Variants in ACO1 observed in about 807,000 individuals in gnomAD.
The protein encoded by ACO1 is cytoplasmic aconitate hydratase.
Under a neutral mutation model 105.1 loss-of-function variants are expected in ACO1, and 78 were observed. That is an observed-to-expected ratio of 0.74 (90% CI 0.62 to 0.90). The LOEUF (loss-of-function observed/expected upper bound fraction) is 0.90. ACO1 is among the 40% of genes least tolerant of loss of function. The pLI is 0.00. For missense variants in ACO1, 965 were observed against 1,111.1 expected (o/e 0.87, Z 1.87); for synonymous variants, 364 against 397.4 (o/e 0.92, Z 1.00).
intron 12 of ACO1, among the ~76,000 whole-genome samples, chr9:32,428,256 T>C (rs1259559479): frequency 6.7e-6 from 1 of 148,906 alleles, no homozygotes; most frequent in Admixed American, 6.7e-5. Context: ...TGTACTCCAG[T>C]TTGGGTGACA....
chr9:32,408,412 G>GAGGT (rs1461136641), intron 3 of ACO1, 102 bp from the exon 4 acceptor site: 289 of 1,326,848 alleles, frequency 2.2e-4, no homozygotes, highest in Middle Eastern at 1.5e-3. Context: ...CTCCTCTGAT[G>GAGGT]AGGTAGGGCC....
At chr9:32,442,201 T>A in intron 19 of ACO1, among the ~76,000 whole-genome samples, 1 of 152,080 alleles carries the variant, frequency 6.6e-6, no homozygotes, top group East Asian at 1.9e-4. Context: ...CCCTGCTGAT[T>A]CTGGTATGCA....
At chr9:32,433,274 C>T (rs908806281) in intron 15 of ACO1, among the ~76,000 whole-genome samples, 2 of 152,174 alleles carry the variant, frequency 1.3e-5, no homozygotes, top group African/African-American at 4.8e-5. Context: ...TGCTTTGTCA[C>T]CCAGGCTGGA....
At chr9:32,441,518 T>C (rs1822479360) in intron 19 of ACO1, among the ~76,000 whole-genome samples, 2 of 152,200 alleles carry the variant, frequency 1.3e-5, no homozygotes, top group Admixed American at 1.3e-4. Flanking sequence ...ACACCTATTA[T>C]TTTAATTGGT....
chr9:32,410,171 T>C (rs1369032017), intron 4 of ACO1, among the ~76,000 whole-genome samples: 1 of 152,184 alleles, frequency 6.6e-6, no homozygotes, highest in Admixed American at 6.5e-5. Flanking sequence ...AACATTGTTA[T>C]AAAGCCCCAG....
At chr9:32,394,945 G>GC (rs576852715) in intron 1 of ACO1, among the ~76,000 whole-genome samples, 785 of 36,482 alleles carry the variant, frequency 0.022, 8 homozygotes, top group African/African-American at 0.031. Context: ...GGTAAAGATG[G>GC]CCCAGAAGAC....
rs1256360892 is a variant in ACO1 at position 32,450,522 on chromosome 9, TG to T, written c.*412del. The stretch of plus-strand genomic sequence containing the variant: ...GCTCTGCTCAATGAAACCTTCCTCT[TG>T]AGGGTCATTTTCCTTTCTGTATTAA... On this transcript the variant is annotated 3_prime_UTR_variant, in exon 21 of 21. Coordinates refer to ENST00000309951, the MANE Select transcript of ACO1 (RefSeq NM_002197.3). 7.1e-6 allele frequency: 2 copies of T among 282,870 alleles called. No individual in the cohort carries two copies. The highest frequency in any genetic ancestry group is 1.4e-5 in the Non-Finnish European group (2 of 144,680). 17.5% of individuals were successfully genotyped at this position (282,870 alleles called of 1,614,324 possible).
chr9:32,448,695 A>T (rs918595131), intron 19 of ACO1, among the ~76,000 whole-genome samples: 6 of 152,100 alleles, frequency 3.9e-5, no homozygotes, highest in Admixed American at 3.3e-4. Context: ...CCACTGTCCA[A>T]CCAGTCCCAA....
chr9:32,419,318 A>G (rs1587534605), intron 7 of ACO1, 141 bp downstream of exon 7: 1 of 920,570 alleles, frequency 1.1e-6, no homozygotes, highest in East Asian at 2.9e-5. Context: ...TTAAAAGGAG[A>G]TGAGGTAAGG....
chr9:32,454,238 C>T lies in ACO1; in HGVS notation c.*4127C>T, dbSNP rs1482394534. On this transcript the variant is annotated 3_prime_UTR_variant, in exon 21 of 21. Coordinates refer to ENST00000309951, the MANE Select transcript of ACO1 (RefSeq NM_002197.3). ...AAGGTGGCAGCAAATGGCACAGAAA[C>T]CCACCTGACCACAGACTGCTTTCTT... 6.6e-6 allele frequency: 1 copy of T among 152,264 alleles called. No individual in the cohort carries two copies. Among genetic ancestry groups the T allele is most frequent in the Non-Finnish European group, 1.5e-5 (1 of 68,076 alleles). The allele number at this position is 152,264 out of a possible 1,614,324, so 9.4% of individuals were successfully genotyped here.
At position 32,405,341 on chromosome 9, in the gene ACO1, T is replaced by C. The variant is rs144056370; in HGVS notation, c.-22-144T>C. On this transcript the variant is annotated intron_variant, in intron 1 of 20. Transcript: ENST00000309951. ...TATTTCTTTTAAATTTTTAACTATTTTTTTTAAAGTTCAGTGTGTACATAG... is the reference window on the plus strand; with the variant it reads ...TATTTCTTTTAAATTTTTAACTATTCTTTTTAAAGTTCAGTGTGTACATAG... 1.0e-3 allele frequency: 600 copies of C among 577,210 alleles called. 8 individuals are homozygous for C. In the East Asian group the frequency reaches 0.015, roughly 15 times the overall value. The allele number at this position is 577,210 out of a possible 1,614,324, so 35.8% of individuals were successfully genotyped here.
Position 32,387,449 on chromosome 9 carries a change from T to C in ACO1, c.-23+2714T>C, listed in dbSNP as rs182184881. Among the ~76,000 whole-genome samples the C allele has an allele frequency of 1.7e-3, 257 of 152,350 alleles. 3 individuals are homozygous for C. The highest frequency in any genetic ancestry group is 8.8e-4 in the Non-Finnish European group (60 of 68,034). ...CAAATGCTACATCAGAGCTTTTTTT[T>C]CCTCTTGGAGTTCAAGTTGTTAAAC... On this transcript the variant is annotated intron_variant, in intron 1 of 20. Transcript: ENST00000309951.
intron 8 of ACO1, among the ~76,000 whole-genome samples, chr9:32,421,761 A>G (rs913444467): frequency 1.5e-4 from 23 of 152,214 alleles, no homozygotes; most frequent in Non-Finnish European, 2.9e-4. Flanking sequence ...AAAAAAAGAA[A>G]AAAGAAAAGA....
At position 32,424,619 on chromosome 9, in the gene ACO1, C is replaced by A; in HGVS notation, c.1142C>A (p.Ala381Asp). 2 of 1,614,116 alleles carry A rather than the reference C, an allele frequency of 1.2e-6. No homozygotes were observed. The highest frequency in any genetic ancestry group is 1.7e-6 in the Non-Finnish European group (2 of 1,179,990). ...CCCAAAAGGCCTCAGGACAAAGTTGCTGTGTCCGACATGAAAAAGGACTTT... is the reference window on the plus strand; with the variant it reads ...CCCAAAAGGCCTCAGGACAAAGTTGATGTGTCCGACATGAAAAAGGACTTT... ...SGPKRPQDKV[A>D]VSDMKKDFES... The change falls in exon 10 of 21, where the codon GCT becomes GAT. Residue 381 changes from alanine (A) to aspartate (D), a missense_variant. Physicochemically the swap from Ala to Asp is moderately radical, Grantham distance 126 (BLOSUM62 -2). Coordinates refer to ENST00000309951, the MANE Select transcript of ACO1 (RefSeq NM_002197.3).
intron 15 of ACO1, among the ~76,000 whole-genome samples, chr9:32,432,711 A>G (rs1822267040): frequency 6.6e-6 from 1 of 152,206 alleles, no homozygotes; most frequent in African/African-American, 2.4e-5. Context: ...CTGGATTATT[A>G]TTTCATAAGT....
chr9:32,431,295 CT>C (rs1319171967), intron 14 of ACO1, among the ~76,000 whole-genome samples: 1 of 152,186 alleles, frequency 6.6e-6, no homozygotes, highest in Non-Finnish European at 1.5e-5. Flanking sequence ...GGATCCTTTT[CT>C]TGGTCTACGT....
intron 19 of ACO1, among the ~76,000 whole-genome samples, chr9:32,446,528 TG>T (rs1822612694): frequency 6.6e-6 from 1 of 152,210 alleles, no homozygotes; most frequent in South Asian, 2.1e-4. Flanking sequence ...TGATGGGTCT[TG>T]ACTCTATCCA....
chr9:32,419,736 C>T (rs1821928688), intron 7 of ACO1, among the ~76,000 whole-genome samples: 1 of 152,160 alleles, frequency 6.6e-6, no homozygotes. Context: ...TTATAAGTTA[C>T]ATTATTGTAA....
At chr9:32,441,566 A>C (rs1013783181) in intron 19 of ACO1, among the ~76,000 whole-genome samples, 6 of 151,906 alleles carry the variant, frequency 3.9e-5, no homozygotes, top group Non-Finnish European at 2.9e-5. Flanking sequence ...TTCTCTGATT[A>C]GTTGATAGTA....
Sources: gnomAD v4.1 joint callset for allele counts (sites outside exome capture counted in the v4.1 genomes callset) on GRCh38, gnomAD v4.1.1 for gene constraint, MANE v1.5 for transcripts, NCBI Gene and HGNC (gene_info 2026-07-23, HGNC 2026-07-21) for gene names.